The following MCF2L variants were observed in gnomAD, a reference collection of about 807,000 sequenced individuals.
MCF2L encodes guanine nucleotide exchange factor DBS.
Under a neutral mutation model 153.4 loss-of-function variants are expected in MCF2L, and 97 were observed. The ratio of observed to expected loss-of-function variants is 0.63; its 90% CI spans 0.54 to 0.75. MCF2L has a LOEUF of 0.75. Among genes scored for constraint, MCF2L ranks in the 30% least tolerant of loss-of-function variants. MCF2L has a pLI of 0.00. For synonymous variants in MCF2L, 659 were observed against 632.2 expected, an observed-to-expected ratio of 1.04 and a Z score of -0.64; for missense variants, 1,347 against 1,495.2, an observed-to-expected ratio of 0.90 and a Z score of 1.64.
intron 1 of MCF2L, among the ~76,000 whole-genome samples, chr13:112,976,195 T>C (rs1409448918): frequency 2.0e-5 from 3 of 151,594 alleles, no homozygotes; most frequent in East Asian, 1.9e-4. Flanking sequence ...TGTGTGCGTG[T>C]GTGTGTGTGT....
intron 12 of MCF2L, among the ~76,000 whole-genome samples, chr13:113,076,542 G>T (rs2033497560): frequency 6.6e-6 from 1 of 152,220 alleles, no homozygotes; most frequent in African/African-American, 2.4e-5. Flanking sequence ...TGGAATGACA[G>T]GTGTGAGCCA....
chr13:113,089,168 C>CT (rs2034937917), intron 25 of MCF2L, among the ~76,000 whole-genome samples: 1 of 86,488 alleles, frequency 1.2e-5, no homozygotes, highest in Non-Finnish European at 2.4e-5. Flanking sequence ...AACACTCCCC[C>CT]GCCCCCCCCC....
At chr13:112,981,406 T>C (rs1303062221) in intron 1 of MCF2L, among the ~76,000 whole-genome samples, 1 of 152,228 alleles carries the variant, frequency 6.6e-6, no homozygotes, top group African/African-American at 2.4e-5. Context: ...CTGTGAGTTC[T>C]GCGGTGCTCT....
chr13:113,088,035 CAT>C (rs1335171968), intron 23 of MCF2L, among the ~76,000 whole-genome samples: 1 of 152,176 alleles, frequency 6.6e-6, no homozygotes, highest in Non-Finnish European at 1.5e-5. Flanking sequence ...CAGGGGAGCT[CAT>C]GTGTCCCTGG....
intron 1 of MCF2L, among the ~76,000 whole-genome samples, chr13:112,976,947 A>G (rs2082235963): frequency 6.6e-6 from 1 of 152,168 alleles, no homozygotes; most frequent in African/African-American, 2.4e-5. Flanking sequence ...TGGGGGAGTC[A>G]TCGGTTTCCA....
At chr13:113,004,368 G>A (rs1041015867) in intron 1 of MCF2L, among the ~76,000 whole-genome samples, 9 of 152,180 alleles carry the variant, frequency 5.9e-5, no homozygotes, top group East Asian at 1.9e-4. Context: ...ATCCTGCGTC[G>A]TAGCCAACAC....
At chr13:112,968,130 TG>T, upstream of MCF2L, 1 of 76,398 alleles carries the variant, frequency 1.3e-5, no homozygotes, top group Non-Finnish European at 2.5e-5. Context: ...TTTAACTGAT[TG>T]GGGAGTGAGG....
At chr13:112,897,002 C>T (rs2081073941) in intron 1 of MCF2L, among the ~76,000 whole-genome samples, 1 of 152,126 alleles carries the variant, frequency 6.6e-6, no homozygotes, top group Non-Finnish European at 1.5e-5. Context: ...TGAGAGCCCA[C>T]CCTGAGAGGA....
chr13:113,017,781 T>A (rs2084627660), intron 2 of MCF2L, among the ~76,000 whole-genome samples: 1 of 152,162 alleles, frequency 6.6e-6, no homozygotes, highest in Non-Finnish European at 1.5e-5. Flanking sequence ...AGGCCCCTCA[T>A]TGTGACTGGA....
intron 26 of MCF2L, chr13:113,090,612 C>T: frequency 1.0e-6 from 1 of 985,442 alleles, no homozygotes; most frequent in Non-Finnish European, 1.2e-6. Context: ...TAATGCCCTG[C>T]TCACCTGCGA....
At chr13:112,952,532 G>A (rs1308168013) in intron 2 of MCF2L, among the ~76,000 whole-genome samples, 1 of 152,208 alleles carries the variant, frequency 6.6e-6, no homozygotes, top group African/African-American at 2.4e-5. Context: ...GGCAAAATGA[G>A]GACCCCAAGG....
chr13:112,931,336 C>G (rs778503219), intron 2 of MCF2L, among the ~76,000 whole-genome samples: 1 of 152,220 alleles, frequency 6.6e-6, no homozygotes, highest in African/African-American at 2.4e-5. Flanking sequence ...CACTTAATTA[C>G]GTCGTTTCCC....
intron 8 of MCF2L, 101 bp from the exon 9 acceptor site, chr13:113,069,957 CG>C: frequency 1.4e-6 from 1 of 716,198 alleles, no homozygotes; most frequent in South Asian, 1.6e-5. Flanking sequence ...CAGGAAGGCC[CG>C]GGGTGGAGAT....
chr13:112,908,397 G>T (rs2152931), intron 2 of MCF2L, among the ~76,000 whole-genome samples: 124,345 of 152,122 alleles, frequency 0.82, 51,083 homozygotes, highest in East Asian at 0.91. Flanking sequence ...GGATGTGGCG[G>T]ATTACCTGAA....
At chr13:112,896,241 G>A (rs1467098954) in intron 1 of MCF2L, among the ~76,000 whole-genome samples, 2 of 152,168 alleles carry the variant, frequency 1.3e-5, no homozygotes, top group Non-Finnish European at 2.9e-5. Context: ...CTTCACATCT[G>A]TCCTTCTCTG....
Position 112,932,246 on chromosome 13 carries a change from C to T in MCF2L, c.169+29875C>T, listed in dbSNP as rs7989031. On this transcript the variant is annotated intron_variant, in intron 2 of 29. Coordinates refer to the MCF2L transcript ENST00000375608. This position sits in a 1 kb window ranked among gnomAD's most constrained non-coding sequence, Gnocchi z 4.6. ...TGGGTAAGGCGTGACCGGGATGGCA[C>T]TTTACCTCTGTAGTCCTCCTCCCCA... is the stretch of plus-strand genomic sequence containing the variant. Among the ~76,000 whole-genome samples, 2 of 151,992 alleles carry T rather than the reference C, an allele frequency of 1.3e-5. No individual in the cohort carries two copies. The highest frequency in any genetic ancestry group is 1.3e-4 in the Admixed American group (2 of 15,258).
intron 1 of MCF2L, chr13:113,001,727 C>A (rs979457827): frequency 3.7e-6 from 5 of 1,359,978 alleles, no homozygotes; most frequent in Admixed American, 7.3e-5. Flanking sequence ...GACATCGAAT[C>A]GGAGGCCCTG....
At chr13:113,090,350 G>C in intron 26 of MCF2L, 1 of 985,424 alleles carries the variant, frequency 1.0e-6, no homozygotes, top group Non-Finnish European at 1.2e-6. Context: ...GCTTTCCTTC[G>C]GGAAAATGAA....
chr13:113,044,702 C>G, intron 3 of MCF2L: 1 of 1,612,798 alleles, frequency 6.2e-7, no homozygotes, highest in Non-Finnish European at 8.5e-7. Context: ...TTATACAACG[C>G]GCAAGTGTGG....
Sources: allele counts gnomAD v4.1 joint callset (sites outside exome capture counted in the v4.1 genomes callset), GRCh38; gene constraint gnomAD v4.1.1; non-coding constraint Gnocchi (gnomAD v3.1); transcripts MANE v1.5; gene names NCBI Gene and HGNC (gene_info 2026-07-23, HGNC 2026-07-21).